Variants in RORB observed in about 807,000 individuals in gnomAD.
RORB encodes RAR related orphan receptor B, also known as nuclear receptor ROR-beta.
Under a neutral mutation model 59.1 loss-of-function variants are expected in RORB, and 6 were observed. The observed-to-expected ratio is 0.10, with a 90% CI of 0.06 to 0.20. The LOEUF (loss-of-function observed/expected upper bound fraction) is 0.20, where lower values mean the gene tolerates loss of function less well. Ranked by LOEUF, RORB falls within the 10% of genes least tolerant of loss-of-function variation. The pLI is 1.00. For synonymous variants in RORB, 215 were observed against 204.5 expected, an observed-to-expected ratio of 1.05 and a Z score of -0.44; for missense variants, 320 against 560.5, an observed-to-expected ratio of 0.57 and a Z score of 4.33.
At chr9:74,627,670 G>A (rs1823542471) in intron 1 of RORB, among the ~76,000 whole-genome samples, 1 of 151,984 alleles carries the variant, frequency 6.6e-6, no homozygotes, top group Admixed American at 6.6e-5. Flanking sequence ...ACTCCCTGGG[G>A]AGTAATTTAT....
chr9:74,626,139 A>G (rs1280239611), intron 1 of RORB, among the ~76,000 whole-genome samples: 1 of 152,112 alleles, frequency 6.6e-6, no homozygotes, highest in Non-Finnish European at 1.5e-5. Context: ...ACTCTAAACA[A>G]AGAAGGGGTT....
chr9:74,651,534 CAA>C (rs11288734), intron 4 of RORB, among the ~76,000 whole-genome samples: 7,304 of 140,768 alleles, frequency 0.052, 267 homozygotes, highest in East Asian at 0.19. Flanking sequence ...GACTCTGTCT[CAA>C]AAAAAAAAAA....
Position 74,685,622 on chromosome 9 carries a change from G to A in RORB, c.*4G>A. On this transcript the variant is annotated 3_prime_UTR_variant, in exon 10 of 10. Coordinates refer to ENST00000376896, the MANE Select transcript of RORB (RefSeq NM_006914.4). ...CTGTGCCACCGGCTGCAAATGAAGG[G>A]GACAAGAGAACTGTCTCATAGTCAT... is the stretch of plus-strand genomic sequence containing the variant. The A allele has an allele frequency of 1.3e-6, 2 of 1,583,694 alleles. No individual in the cohort carries two copies. The highest frequency in any genetic ancestry group is 1.7e-6 in the Non-Finnish European group (2 of 1,158,400).
At chr9:74,571,587 A>T (rs1686354914) in intron 1 of RORB, among the ~76,000 whole-genome samples, 1 of 152,194 alleles carries the variant, frequency 6.6e-6, no homozygotes, top group East Asian at 1.9e-4. Context: ...TATTTTAACC[A>T]AATATTATCA....
intron 3 of RORB, among the ~76,000 whole-genome samples, chr9:74,641,619 G>C (rs182232005): frequency 5.9e-5 from 9 of 152,224 alleles, no homozygotes; most frequent in African/African-American, 1.9e-4. Context: ...AAATCGGCCT[G>C]GCCGGGTGCA....
rs566955214 is a variant in RORB, at chr9:74,661,795, C to A, written c.760-679C>A. Among the ~76,000 whole-genome samples, 28 of 151,728 alleles carry A rather than the reference C, an allele frequency of 1.8e-4. No homozygotes were observed. The South Asian group carries it at 5.4e-3, about 29-fold the overall frequency. Reference sequence around the variant, plus strand: ...GAGTAGCTGGGACTACAGGCGCCCCCCCACCACGCCCAGCTAATTTTTTGT... The same window carrying A: ...GAGTAGCTGGGACTACAGGCGCCCCACCACCACGCCCAGCTAATTTTTTGT... On this transcript the variant is annotated intron_variant, in intron 5 of 9. Coordinates refer to ENST00000376896, the MANE Select transcript of RORB (RefSeq NM_006914.4).
chr9:74,635,141 T>A (rs529577861), intron 3 of RORB, among the ~76,000 whole-genome samples: 27 of 152,240 alleles, frequency 1.8e-4, no homozygotes, highest in African/African-American at 6.3e-4. Context: ...CAGGACCACA[T>A]CTGAGTATGT....
chr9:74,586,119 A>G (rs1237591882), intron 1 of RORB, among the ~76,000 whole-genome samples: 2 of 152,150 alleles, frequency 1.3e-5, no homozygotes, highest in South Asian at 2.1e-4. Flanking sequence ...AAAGAGCATA[A>G]GATACTTATA....
Position 74,607,620 on chromosome 9 carries a change from A to G in RORB, c.8-22662A>G, listed in dbSNP as rs1336813331. Among the ~76,000 whole-genome samples the G allele has an allele frequency of 3.3e-5, 5 of 151,924 alleles. No individual in the cohort carries two copies. The South Asian group carries it at 6.2e-4, about 19-fold the overall frequency. On this transcript the variant is annotated intron_variant, in intron 1 of 9. Transcript: ENST00000376896. ...TTTATTTATATATATACACACACAC[A>G]TAAGTGTATTCATAAGTACATAAGT... is the stretch of plus-strand genomic sequence containing the variant.
intron 6 of RORB, among the ~76,000 whole-genome samples, chr9:74,664,355 C>G (rs1824235442): frequency 6.6e-6 from 1 of 152,160 alleles, no homozygotes; most frequent in Admixed American, 6.5e-5. Context: ...CATTTGGGAA[C>G]AACTGAACCA....
chr9:74,658,726 C>A (rs1201063281), intron 4 of RORB, among the ~76,000 whole-genome samples: 1 of 151,978 alleles, frequency 6.6e-6, no homozygotes, highest in East Asian at 1.9e-4. Context: ...AATTAGACTG[C>A]CCCGGTGAAA....
intron 1 of RORB, among the ~76,000 whole-genome samples, chr9:74,500,474 G>A (rs746417539): frequency 7.2e-5 from 11 of 152,108 alleles, no homozygotes; most frequent in South Asian, 4.1e-4. Context: ...GGGCTACTAA[G>A]CACCCTATGT....
chr9:74,630,957 A>G (rs17691614), intron 2 of RORB, among the ~76,000 whole-genome samples: 36,197 of 152,046 alleles, frequency 0.24, 4,358 homozygotes, highest in South Asian at 0.31. Context: ...GTCCTGAGGT[A>G]TAAACAAGAT....
chr9:74,567,679 G>C (rs1822489131), intron 1 of RORB, among the ~76,000 whole-genome samples: 1 of 152,106 alleles, frequency 6.6e-6, no homozygotes, highest in Non-Finnish European at 1.5e-5. Context: ...CAGCACCACA[G>C]TCTCCCCTCA....
intron 1 of RORB, among the ~76,000 whole-genome samples, chr9:74,580,623 C>A (rs1484691790): frequency 6.6e-6 from 1 of 152,000 alleles, no homozygotes; most frequent in South Asian, 2.1e-4. Context: ...TACTTTTTTT[C>A]TGAAAGGAAT....
At chr9:74,591,674 A>G (rs937199156) in intron 1 of RORB, among the ~76,000 whole-genome samples, 19 of 152,192 alleles carry the variant, frequency 1.2e-4, no homozygotes, top group African/African-American at 4.6e-4. Flanking sequence ...TTCCCATAAA[A>G]CATGTTTTTC....
At chr9:74,630,902 A>T (rs1823607576) in intron 2 of RORB, among the ~76,000 whole-genome samples, 1 of 152,028 alleles carries the variant, frequency 6.6e-6, no homozygotes, top group Admixed American at 6.6e-5. Context: ...CTCTAAATCG[A>T]CTAAAATTCA....
intron 1 of RORB, among the ~76,000 whole-genome samples, chr9:74,611,310 C>A (rs1823228179): frequency 6.6e-6 from 1 of 152,012 alleles, no homozygotes; most frequent in African/African-American, 2.4e-5. Context: ...CAATTAAATG[C>A]CAGATCAAGG....
chr9:74,564,217 G>A (rs1045926115), intron 1 of RORB, among the ~76,000 whole-genome samples: 2 of 152,070 alleles, frequency 1.3e-5, no homozygotes, highest in Non-Finnish European at 2.9e-5. Context: ...TAAAGATGGT[G>A]TTCTAACATC....
Sources: gnomAD v4.1 joint callset for allele counts (sites outside exome capture counted in the v4.1 genomes callset) on GRCh38, gnomAD v4.1.1 for gene constraint, MANE v1.5 for transcripts, NCBI Gene and HGNC (gene_info 2026-07-23, HGNC 2026-07-21) for gene names.